The following COPG2 variants were observed in gnomAD, a reference collection of about 807,000 sequenced individuals.
The protein encoded by COPG2 is coatomer subunit gamma-2.
Under a neutral mutation model 46.3 loss-of-function variants are expected in COPG2, and 37 were observed. The ratio of observed to expected loss-of-function variants is 0.80; its 90% CI spans 0.61 to 1.05. The LOEUF (loss-of-function observed/expected upper bound fraction) is 1.05. Among genes scored for constraint, COPG2 ranks in the 50% least tolerant of loss-of-function variants. COPG2 has a pLI of 0.00. For synonymous variants in COPG2, 159 were observed against 129.7 expected (o/e 1.23, Z -1.53); for missense variants, 427 against 387.8 (o/e 1.10, Z -0.85).
At chr7:130,658,704 G>A (rs1222838515) in intron 4 of COPG2, among the ~76,000 whole-genome samples, 2 of 149,590 alleles carry the variant, frequency 1.3e-5, no homozygotes, top group South Asian at 2.1e-4. Flanking sequence ...TTTTTGACAC[G>A]GAGTCTTGCA....
chr7:130,569,313 C>CT, intron 9 of COPG2, among the ~76,000 whole-genome samples: 1 of 152,006 alleles, frequency 6.6e-6, no homozygotes, highest in Non-Finnish European at 1.5e-5. Flanking sequence ...AGACCATTAC[C>CT]AAGACTAACC....
In COPG2 at chr7:130,585,048, A is replaced by G. The variant is rs550229018; in HGVS notation, c.738-20655T>C. 3.3e-5 allele frequency among the ~76,000 whole-genome samples: 5 copies of G among 152,178 alleles called. No homozygotes were observed. The East Asian group carries it at 9.6e-4, about 29-fold the overall frequency. ...AAAAGAACAAATCTGGAGGCATCACATTACCTGATTTCAAATTATACTATA... is the reference window on the plus strand; with the variant it reads ...AAAAGAACAAATCTGGAGGCATCACGTTACCTGATTTCAAATTATACTATA... On this transcript the variant is annotated intron_variant, in intron 9 of 23. Transcript: ENST00000425248.
intron 5 of COPG2, among the ~76,000 whole-genome samples, chr7:130,641,400 A>C (rs1466989961): frequency 1.3e-5 from 2 of 152,146 alleles, no homozygotes; most frequent in African/African-American, 4.8e-5. Context: ...CCTAGGGAAT[A>C]CCAATATTTA....
At chr7:130,527,737 G>A (rs1418276256) in intron 20 of COPG2, among the ~76,000 whole-genome samples, 1 of 152,168 alleles carries the variant, frequency 6.6e-6, no homozygotes, top group African/African-American at 2.4e-5. Context: ...GAAGATGCAT[G>A]TGTGGCAGGG....
chr7:130,655,198 A>C (rs1372140303), intron 4 of COPG2, among the ~76,000 whole-genome samples: 1 of 152,136 alleles, frequency 6.6e-6, no homozygotes, highest in Admixed American at 6.5e-5. Context: ...TATGATCTTA[A>C]ATAGTATTGA....
chr7:130,608,145 A>G (rs1554451532), intron 9 of COPG2: 1 of 400,400 alleles, frequency 2.5e-6, no homozygotes, highest in East Asian at 7.3e-5. Context: ...TAGTTATAAT[A>G]TTCATCCTCA....
At chr7:130,610,811 T>C (rs1794833106) in intron 9 of COPG2, 142 bp downstream of exon 9, 2 of 821,352 alleles carry the variant, frequency 2.4e-6, no homozygotes, top group Non-Finnish European at 4.1e-6. Flanking sequence ...TGAAATTCCA[T>C]AATTTTTTTA....
chr7:130,609,488 G>A (rs1794799964), intron 9 of COPG2, among the ~76,000 whole-genome samples: 1 of 152,150 alleles, frequency 6.6e-6, no homozygotes, highest in African/African-American at 2.4e-5. Flanking sequence ...GGAATTGTAA[G>A]TCCATTAAAC....
At chr7:130,600,101 C>G (rs1417480824) in intron 9 of COPG2, among the ~76,000 whole-genome samples, 1 of 152,084 alleles carries the variant, frequency 6.6e-6, no homozygotes, top group East Asian at 1.9e-4. Context: ...GTGTTAAAGT[C>G]TCCATGAAGA....
intron 9 of COPG2, among the ~76,000 whole-genome samples, chr7:130,588,938 C>G: frequency 6.6e-6 from 1 of 152,104 alleles, no homozygotes; most frequent in Non-Finnish European, 1.5e-5. Context: ...AATATTTACC[C>G]CCCGCCACAC....
chr7:130,651,986 C>T (rs1038443547), intron 5 of COPG2, among the ~76,000 whole-genome samples: 3 of 152,094 alleles, frequency 2.0e-5, no homozygotes, highest in Non-Finnish European at 4.4e-5. Flanking sequence ...ATATGGAATA[C>T]GTAGATTGAC....
chr7:130,549,989 C>A (rs1045166749), intron 17 of COPG2, among the ~76,000 whole-genome samples: 1 of 152,160 alleles, frequency 6.6e-6, no homozygotes, highest in Non-Finnish European at 1.5e-5. Context: ...ACTTCAGATA[C>A]TGTAATGCTT....
rs996176291 is a variant in COPG2 at position 130,568,612 on chromosome 7, G to A, written c.738-4219C>T. Among the ~76,000 whole-genome samples, 22 of 152,196 alleles carry A rather than the reference G, an allele frequency of 1.4e-4. No homozygotes were observed. In the East Asian group the frequency reaches 4.2e-3, roughly 29 times the overall value. ...AGATAGACGGCAACGCAATAATAGT[G>A]GTGTACTTCAATACTCCACTGACAG... On this transcript the variant is annotated intron_variant, in intron 9 of 23. Coordinates refer to ENST00000425248, the MANE Select transcript of COPG2 (RefSeq NM_012133.6).
intron 20 of COPG2, among the ~76,000 whole-genome samples, chr7:130,531,395 A>T (rs1423306087): frequency 1.3e-5 from 2 of 152,090 alleles, no homozygotes; most frequent in African/African-American, 4.8e-5. Flanking sequence ...AAAAAGGATT[A>T]TGTGGATCAA....
chr7:130,661,027 C>G lies in COPG2; in HGVS notation c.243+1940G>C, dbSNP rs144129758. ...ATCTCTAAGCCTTCAGTGCTTTAAC[C>G]TGCAGGCTGTAGCTGGAGAAAAACA... On this transcript the variant is annotated intron_variant, in intron 4 of 23. Transcript: ENST00000425248. 5.0e-3 allele frequency among the ~76,000 whole-genome samples: 763 copies of G among 152,310 alleles called. 4 individuals carry two copies. The highest frequency in any genetic ancestry group is 0.017 in the African/African-American group (724 of 41,576).
intron 4 of COPG2, among the ~76,000 whole-genome samples, chr7:130,661,550 A>G (rs1376886270): frequency 6.6e-6 from 1 of 152,250 alleles, no homozygotes; most frequent in Non-Finnish European, 1.5e-5. Context: ...CCTTAAAGAT[A>G]TGAACCTGAA....
chr7:130,596,438 C>T (rs896448791), intron 9 of COPG2, among the ~76,000 whole-genome samples: 3 of 152,164 alleles, frequency 2.0e-5, no homozygotes, highest in Non-Finnish European at 4.4e-5. Flanking sequence ...ATCTCTACTA[C>T]GAAGTTTTAC....
At chr7:130,659,272 G>A (rs911273951) in intron 4 of COPG2, among the ~76,000 whole-genome samples, 2 of 140,718 alleles carry the variant, frequency 1.4e-5, no homozygotes, top group Admixed American at 7.9e-5. Context: ...GGAGAATGGC[G>A]TGAACCTGGG....
intron 20 of COPG2, among the ~76,000 whole-genome samples, chr7:130,513,388 T>TGC (rs1799643243): frequency 7.9e-6 from 1 of 126,724 alleles, no homozygotes; most frequent in Non-Finnish European, 1.6e-5. Context: ...TGTGTGTGTG[T>TGC]GTATATATAT....
Sources: gnomAD v4.1 joint callset for allele counts (sites outside exome capture counted in the v4.1 genomes callset) on GRCh38, gnomAD v4.1.1 for gene constraint, MANE v1.5 for transcripts, NCBI Gene and HGNC (gene_info 2026-07-23, HGNC 2026-07-21) for gene names.